CLEC16A: variants seen among roughly 807,000 people sequenced by gnomAD.
CLEC16A encodes the protein C-type lectin domain containing 16A, also known as protein CLEC16A.
Under a neutral mutation model 109.5 loss-of-function variants are expected in CLEC16A, and 51 were observed. That is an observed-to-expected ratio of 0.47 (90% CI 0.37 to 0.59). CLEC16A has a LOEUF of 0.59. CLEC16A is among the 20% of genes least tolerant of loss of function. The pLI is 0.00. For synonymous variants in CLEC16A, 673 were observed against 564.2 expected, an observed-to-expected ratio of 1.19 and a Z score of -2.73; for missense variants, 1,339 against 1,394.0, an observed-to-expected ratio of 0.96 and a Z score of 0.63.
chr16:11,154,211 G>T (rs1270535434), intron 22 of CLEC16A, among the ~76,000 whole-genome samples: 1 of 152,224 alleles, frequency 6.6e-6, no homozygotes, highest in Non-Finnish European at 1.5e-5. Flanking sequence ...TTCTGGTAGG[G>T]ATCTTTAAGA....
chr16:11,142,037 A>T (rs1027242116), intron 22 of CLEC16A, among the ~76,000 whole-genome samples: 1 of 151,864 alleles, frequency 6.6e-6, no homozygotes, highest in African/African-American at 2.4e-5. Context: ...ATTCTGTGAG[A>T]CTCATCGAGC....
intron 19 of CLEC16A, among the ~76,000 whole-genome samples, chr16:11,095,722 GAA>G (rs2050567307): frequency 1.3e-5 from 2 of 149,308 alleles, no homozygotes; most frequent in Middle Eastern, 3.4e-3. Context: ...TGAGGCAAGA[GAA>G]TCACTTGAAC....
intron 19 of CLEC16A, among the ~76,000 whole-genome samples, chr16:11,063,412 C>G (rs562859714): frequency 5.4e-4 from 82 of 151,332 alleles, no homozygotes; most frequent in African/African-American, 1.9e-3. Flanking sequence ...AGGTGAAGGA[C>G]AGGTGAAGCC....
chr16:11,178,256 C>G lies in CLEC16A; in HGVS notation c.2807-79C>G. The G allele has an allele frequency of 1.5e-6, 2 of 1,334,754 alleles. No individual in the cohort carries two copies. Among genetic ancestry groups the G allele is most frequent in the Non-Finnish European group, 2.1e-6 (2 of 954,498 alleles). The allele number at this position is 1,334,754 out of a possible 1,614,324, so 82.7% of individuals were successfully genotyped here. On this transcript the variant is annotated intron_variant, in intron 23 of 23. Coordinates refer to ENST00000409790, the MANE Select transcript of CLEC16A (RefSeq NM_015226.3). This position sits in a 1 kb window ranked among gnomAD's most constrained non-coding sequence, Gnocchi z 6.5. ...CACCTAGCTCACCAGGGCCGCGGTT[C>G]AGGATGGGAGCACAGGGCGCAGTGC... is the stretch of plus-strand genomic sequence containing the variant.
intron 19 of CLEC16A, among the ~76,000 whole-genome samples, chr16:11,090,603 C>T (rs573760123): frequency 6.6e-6 from 1 of 152,146 alleles, no homozygotes; most frequent in South Asian, 2.1e-4. Context: ...ATCTACAGTC[C>T]AGTGTTTTAG....
chr16:11,144,135 T>A (rs985620400), intron 22 of CLEC16A, among the ~76,000 whole-genome samples: 2 of 152,166 alleles, frequency 1.3e-5, no homozygotes, highest in African/African-American at 4.8e-5. Context: ...AGGCTGGTCA[T>A]CTCCCAAGCT....
chr16:10,971,008 ATT>A (rs35498388), intron 4 of CLEC16A, 115 bp from the exon 5 acceptor site: 34,644 of 495,472 alleles, frequency 0.07, 3 homozygotes, highest in Non-Finnish European at 0.076. Context: ...CATTGGCAAC[ATT>A]TTTTTTTTTT....
At chr16:11,021,798 G>C (rs1413743463) in intron 12 of CLEC16A, among the ~76,000 whole-genome samples, 1 of 152,134 alleles carries the variant, frequency 6.6e-6, no homozygotes, top group African/African-American at 2.4e-5. Context: ...CTCTCGCTCA[G>C]AATATCTGCT....
At chr16:11,015,193 A>G (rs1244484523) in intron 11 of CLEC16A, among the ~76,000 whole-genome samples, 2 of 152,092 alleles carry the variant, frequency 1.3e-5, no homozygotes, top group Non-Finnish European at 2.9e-5. Flanking sequence ...GGAGCCACTC[A>G]CTCTACAGCT....
intron 14 of CLEC16A, chr16:11,041,451 C>G (rs1460115445): frequency 6.6e-6 from 1 of 152,220 alleles, no homozygotes; most frequent in Non-Finnish European, 1.5e-5. Flanking sequence ...GGGGCTCAAA[C>G]AGTATTTTTC....
chr16:10,996,241 C>T (rs2044320528), intron 10 of CLEC16A, among the ~76,000 whole-genome samples: 1 of 152,220 alleles, frequency 6.6e-6, no homozygotes, highest in South Asian at 2.1e-4. Flanking sequence ...TGAAGAACCC[C>T]TTTGTGAGCA....
chr16:11,043,513 C>G (rs570375399), intron 15 of CLEC16A, among the ~76,000 whole-genome samples: 2 of 152,306 alleles, frequency 1.3e-5, no homozygotes, highest in East Asian at 1.9e-4. Flanking sequence ...ATCGAATTAC[C>G]TATCCTTTCC....
chr16:10,998,960 G>A (rs1182685689), intron 10 of CLEC16A, among the ~76,000 whole-genome samples: 2 of 152,176 alleles, frequency 1.3e-5, no homozygotes, highest in Non-Finnish European at 2.9e-5. Flanking sequence ...GCCTCTGCAT[G>A]CTAACTGTGA....
At position 11,047,338 on chromosome 16, in the gene CLEC16A, T is replaced by G; in HGVS notation, c.1862T>G (p.Met621Arg). The G allele has an allele frequency of 1.2e-6, 2 of 1,607,858 alleles. No homozygotes were observed. The highest frequency in any genetic ancestry group is 8.5e-7 in the Non-Finnish European group (1 of 1,177,278). ...ATGTTTGAAGATGAGTATAGGAGCA[T>G]GACAGTAAGTGAGGGGCTGGGACAC... ...LDMFEDEYRS[M>R]TMKPMNVEYL... Residue 621 changes from methionine (M) to arginine (R), a missense_variant, in exon 17 of 24, where the codon ATG becomes AGG. By Grantham distance (91) the Met-to-Arg change is moderately conservative. This residue lies in a region of CLEC16A where 1,061 missense variants were observed against 1,006.8 expected (regional missense o/e 1.05). Coordinates refer to ENST00000409790, the MANE Select transcript of CLEC16A (RefSeq NM_015226.3).
chr16:11,114,912 C>T (rs1048133850), intron 19 of CLEC16A, among the ~76,000 whole-genome samples: 5 of 152,344 alleles, frequency 3.3e-5, no homozygotes, highest in African/African-American at 1.2e-4. Flanking sequence ...TGGGATCCTT[C>T]CTGTCTCACT....
At chr16:10,990,883 G>C (rs2043966205) in intron 10 of CLEC16A, among the ~76,000 whole-genome samples, 1 of 152,208 alleles carries the variant, frequency 6.6e-6, no homozygotes, top group African/African-American at 2.4e-5. Flanking sequence ...GGCATTGTTA[G>C]TTTTCATGAG....
chr16:11,124,343 A>G (rs1009784199), intron 21 of CLEC16A, among the ~76,000 whole-genome samples: 2 of 152,232 alleles, frequency 1.3e-5, no homozygotes, highest in Non-Finnish European at 2.9e-5. Flanking sequence ...GGAGAAGGAA[A>G]CAGGCTCAGG....
intron 22 of CLEC16A, among the ~76,000 whole-genome samples, chr16:11,151,042 C>A (rs986608721): frequency 2.0e-5 from 3 of 152,184 alleles, no homozygotes; most frequent in African/African-American, 7.2e-5. Context: ...AAAATGACCC[C>A]ATTTCCAAAC....
chr16:10,972,026 C>A (rs568492849), intron 5 of CLEC16A, among the ~76,000 whole-genome samples: 18 of 152,322 alleles, frequency 1.2e-4, no homozygotes, highest in African/African-American at 4.1e-4. Flanking sequence ...AATTTAAGAA[C>A]CTTTCTAAGA....
Sources: allele counts gnomAD v4.1 joint callset (sites outside exome capture counted in the v4.1 genomes callset), GRCh38; gene constraint gnomAD v4.1.1; regional missense constraint gnomAD v4.1.1; non-coding constraint Gnocchi (gnomAD v3.1); transcripts MANE v1.5; gene names NCBI Gene and HGNC (gene_info 2026-07-23, HGNC 2026-07-21).